The following GOLGA5 variants were observed in gnomAD, a reference collection of about 807,000 sequenced individuals.
GOLGA5 encodes golgin A5.
Under a neutral mutation model 93.5 loss-of-function variants are expected in GOLGA5, and 50 were observed. The ratio of observed to expected loss-of-function variants is 0.53; its 90% CI spans 0.43 to 0.68. The LOEUF is 0.68. Ranked by LOEUF, GOLGA5 falls within the 30% of genes least tolerant of loss-of-function variation. The probability of loss-of-function intolerance (pLI) is 0.00; values close to 1 mark genes in which losing one functional copy is unlikely to be tolerated. For missense variants in GOLGA5, 760 were observed against 856.4 expected (o/e 0.89, Z 1.40); for synonymous variants, 312 against 304.5 (o/e 1.02, Z -0.26).
At chr14:92,812,704 A>G (rs1241183919) in intron 6 of GOLGA5, among the ~76,000 whole-genome samples, 2 of 151,736 alleles carry the variant, frequency 1.3e-5, no homozygotes, top group African/African-American at 2.4e-5. Flanking sequence ...TAACCCTCCC[A>G]CTTCCTTGGA....
At chr14:92,825,095 A>G (rs1223445783) in intron 9 of GOLGA5, among the ~76,000 whole-genome samples, 1 of 152,220 alleles carries the variant, frequency 6.6e-6, no homozygotes, top group African/African-American at 2.4e-5. Context: ...CCTACCACCC[A>G]GACTTACCAA....
rs1299783976 is a variant in GOLGA5, at chr14:92,797,957, A to C, written c.520A>C (p.Asn174His). The C allele has an allele frequency of 6.3e-7, 1 of 1,587,490 alleles. No individual in the cohort carries two copies. The highest frequency in any genetic ancestry group is 8.5e-7 in the Non-Finnish European group (1 of 1,171,854). Residue 174 changes from asparagine (N) to histidine (H), a missense_variant, in exon 2 of 13, where the codon AAT becomes CAT. Physicochemically the swap from Asn to His is moderately conservative, Grantham distance 68 (BLOSUM62 1). Coordinates refer to ENST00000163416, the MANE Select transcript of GOLGA5 (RefSeq NM_005113.4). ...AACCACCATCAAAACCATTGAAGAA[A>C]ATTCTTTTGGGAGCCAAACCCACGG... is the stretch of plus-strand genomic sequence containing the variant. The part of the protein sequence containing the change: ...SVTTIKTIEE[N>H]SFGSQTHEAA...
chr14:92,804,655 CT>C lies in GOLGA5; in HGVS notation c.545-2062del, dbSNP rs765326844. 9.0e-3 allele frequency among the ~76,000 whole-genome samples: 1,031 copies of C among 114,312 alleles called. 9 individuals are homozygous for C. The highest frequency in any genetic ancestry group is 0.046 in the East Asian group (212 of 4,612). The allele number at this position is 114,312 out of a possible 152,430, so 75.0% of individuals were successfully genotyped here. A position where few individuals can be genotyped will look rare whatever the true frequency, so the allele number is the denominator to read the frequency against. Reference sequence around the variant, plus strand: ...ACCTTAAAAATGTAATAATTTCTTTCTTTTTTTTTTTTTTTTTTTGAGACAG... The same window carrying C: ...ACCTTAAAAATGTAATAATTTCTTTCTTTTTTTTTTTTTTTTTTGAGACAG... On this transcript the variant is annotated intron_variant, in intron 2 of 12. Transcript: ENST00000163416.
intron 8 of GOLGA5, among the ~76,000 whole-genome samples, chr14:92,821,816 T>A (rs1014718718): frequency 6.6e-6 from 1 of 152,210 alleles, no homozygotes; most frequent in Non-Finnish European, 1.5e-5. Flanking sequence ...GATAATTTAG[T>A]TATGAGATTA....
At position 92,837,498 on chromosome 14, in the gene GOLGA5, G is replaced by GC. The variant is rs1885668760; in HGVS notation, c.2115+49_2115+50insC. ...CAATGATGCACTTGATTTTTAACTAGTTTTTTTTTTTGTTTGTTTGTTTGT... is the reference window on the plus strand; with the variant it reads ...CAATGATGCACTTGATTTTTAACTAGCTTTTTTTTTTTGTTTGTTTGTTTGT... On this transcript the variant is annotated intron_variant, in intron 12 of 12. Coordinates refer to ENST00000163416, the MANE Select transcript of GOLGA5 (RefSeq NM_005113.4). The GC allele has an allele frequency of 9.3e-6, 6 of 643,612 alleles. No homozygotes were observed. The South Asian group carries it at 9.4e-5, about 10-fold the overall frequency. 39.9% of individuals were successfully genotyped at this position (643,612 alleles called of 1,614,324 possible).
chr14:92,834,201 A>AT (rs1463377094), intron 10 of GOLGA5, among the ~76,000 whole-genome samples: 39 of 116,978 alleles, frequency 3.3e-4, no homozygotes, highest in African/African-American at 1.0e-3. Flanking sequence ...TTTTTATTTT[A>AT]TTTTTTTATT....
At chr14:92,805,258 A>G (rs947355396) in intron 2 of GOLGA5, among the ~76,000 whole-genome samples, 8 of 152,144 alleles carry the variant, frequency 5.3e-5, no homozygotes, top group African/African-American at 1.9e-4. Flanking sequence ...TGAATCATAT[A>G]GTATATATAC....
At position 92,824,562 on chromosome 14, in the gene GOLGA5, A is replaced by G. The variant is rs147777021; in HGVS notation, c.1637A>G (p.Glu546Gly). The G allele has an allele frequency of 7.9e-5, 126 of 1,592,526 alleles. No individual in the cohort carries two copies. The African/African-American group carries it at 1.6e-3, about 20-fold the overall frequency. Residue 546 changes from glutamate to glycine, a missense_variant, in exon 9 of 13, where the codon GAA becomes GGA. Transcript: ENST00000163416. ...ERLKQEFHYI[E>G]EDLYRTKNTL... Reference sequence around the variant, plus strand: ...ACTTTGCAGGAGTTCCACTATATAGAAGAAGATCTTTATCGAACAAAGAAC... The same window carrying G: ...ACTTTGCAGGAGTTCCACTATATAGGAGAAGATCTTTATCGAACAAAGAAC...
chr14:92,836,668 T>A (rs1315392490), intron 11 of GOLGA5, among the ~76,000 whole-genome samples: 1 of 152,198 alleles, frequency 6.6e-6, no homozygotes, highest in Admixed American at 6.5e-5. Flanking sequence ...TACAAAAGCT[T>A]CTAGATTAGC....
intron 2 of GOLGA5, among the ~76,000 whole-genome samples, chr14:92,799,663 G>C (rs2093669750): frequency 6.6e-6 from 1 of 151,816 alleles, no homozygotes; most frequent in Non-Finnish European, 1.5e-5. Flanking sequence ...CTGGAGTGCA[G>C]TGACGCGATC....
rs568020509 is a variant in GOLGA5, at chr14:92,796,698, C to T, written c.-30-710C>T. Among the ~76,000 whole-genome samples, 9 of 151,242 alleles carry T rather than the reference C, an allele frequency of 6.0e-5. No homozygotes were observed. In the South Asian group the frequency reaches 1.0e-3, roughly 18 times the overall value. ...ACATTAAGATTTGCCCGGCCGGGCG[C>T]GGTGGCTCACGCCTGTAATCCCCGC... On this transcript the variant is annotated intron_variant, in intron 1 of 12. Transcript: ENST00000163416.
Position 92,819,804 on chromosome 14 carries a change from G to T in GOLGA5, c.1588G>T (p.Glu530Ter). The T allele has an allele frequency of 1.9e-6, 3 of 1,614,086 alleles. No homozygotes were observed. The highest frequency in any genetic ancestry group is 2.5e-6 in the Non-Finnish European group (3 of 1,179,944). ...QIAGQKASKQ[E>*]LETELERLKQ... ...AGCTGGGCAGAAAGCATCCAAACAAGAACTAGAGACAGAACTGGAGCGACT... is the reference window on the plus strand; with the variant it reads ...AGCTGGGCAGAAAGCATCCAAACAATAACTAGAGACAGAACTGGAGCGACT... The change falls in exon 8 of 13, where the codon GAA becomes TAA. Residue 530 changes from glutamate to a stop codon, truncating the protein, a stop_gained. Coordinates refer to ENST00000163416, the MANE Select transcript of GOLGA5 (RefSeq NM_005113.4). LOFTEE classifies it high-confidence loss of function.
At chr14:92,819,872 T>C (rs1487691592) in intron 8 of GOLGA5, 36 bp downstream of exon 8, 6 of 1,607,470 alleles carry the variant, frequency 3.7e-6, no homozygotes, top group Non-Finnish European at 5.1e-6. Flanking sequence ...TGAGACTCTG[T>C]CCTCTAGCGG....
intron 1 of GOLGA5, among the ~76,000 whole-genome samples, chr14:92,796,976 C>CAA (rs71123379): frequency 2.0e-3 from 148 of 73,534 alleles, no homozygotes; most frequent in Non-Finnish European, 2.8e-3. Flanking sequence ...GACTCCGTCT[C>CAA]AAAAAAAAAA....
At position 92,821,905 on chromosome 14, in the gene GOLGA5, G is replaced by A. The variant is rs558615144; in HGVS notation, c.1620+2069G>A. Among the ~76,000 whole-genome samples, 10 of 152,242 alleles carry A rather than the reference G, an allele frequency of 6.6e-5. No individual in the cohort carries two copies. In the East Asian group the frequency reaches 1.7e-3, roughly 26 times the overall value. On this transcript the variant is annotated intron_variant, in intron 8 of 12. Transcript: ENST00000163416. ...AAGGCAACAATTTAATGTTCTTGAT[G>A]CTTAATGAGATAATTTTCATTTTGT...
intron 8 of GOLGA5, among the ~76,000 whole-genome samples, chr14:92,822,205 C>T (rs1008607912): frequency 6.6e-6 from 1 of 152,312 alleles, no homozygotes; most frequent in East Asian, 1.9e-4. Context: ...CTCATAATCT[C>T]TTTTCTCACC....
intron 6 of GOLGA5, among the ~76,000 whole-genome samples, chr14:92,815,654 T>C (rs1007235512): frequency 2.7e-5 from 4 of 150,576 alleles, no homozygotes; most frequent in African/African-American, 9.7e-5. Flanking sequence ...CTGGGCAACA[T>C]AGCAAGACCG....
At chr14:92,802,911 A>C (rs1352772616) in intron 2 of GOLGA5, among the ~76,000 whole-genome samples, 1 of 152,060 alleles carries the variant, frequency 6.6e-6, no homozygotes, top group Non-Finnish European at 1.5e-5. Flanking sequence ...ATGCAGGTGC[A>C]CACCACTGCA....
In GOLGA5 at chr14:92,839,766, A is replaced by T. The variant is rs761288593; in HGVS notation, c.*320A>T. The T allele has an allele frequency of 1.3e-5, 4 of 297,436 alleles. No individual in the cohort carries two copies. The highest frequency in any genetic ancestry group is 2.5e-5 in the Non-Finnish European group (4 of 161,346). 18.4% of individuals were successfully genotyped at this position (297,436 alleles called of 1,614,324 possible). ...ATCTGTATGTTAGGTGACATTGATT[A>T]TGGGTTATAATCAGGGAAACTAATT... On this transcript the variant is annotated 3_prime_UTR_variant, in exon 13 of 13. Coordinates refer to ENST00000163416, the MANE Select transcript of GOLGA5 (RefSeq NM_005113.4).
Sources: allele counts gnomAD v4.1 joint callset (sites outside exome capture counted in the v4.1 genomes callset), GRCh38; gene constraint gnomAD v4.1.1; transcripts MANE v1.5; gene names NCBI Gene and HGNC (gene_info 2026-07-23, HGNC 2026-07-21).